The following MSN variants were observed in gnomAD, a reference collection of about 807,000 sequenced individuals.
The protein encoded by MSN is epididymis luminal protein 70.
MSN carries 2 observed loss-of-function variants against 48.0 expected under a neutral mutation model. The ratio of observed to expected loss-of-function variants is 0.04; its 90% CI spans 0.02 to 0.13. The LOEUF is 0.13. Among genes scored for constraint, MSN ranks in the 10% least tolerant of loss-of-function variants. MSN has a pLI of 1.00. For synonymous variants in MSN, 146 were observed against 166.9 expected, an observed-to-expected ratio of 0.87 and a Z score of 0.97; for missense variants, 267 against 470.1, an observed-to-expected ratio of 0.57 and a Z score of 3.99.
rs756684811 is a variant in MSN, at chrX:65,657,355, C to T, written c.-21-59463C>T. Among the ~76,000 whole-genome samples the T allele has an allele frequency of 2.4e-4, 26 of 110,271 alleles. No homozygotes were observed. The South Asian group carries it at 5.5e-3, about 24-fold the overall frequency. ...ACAGGCACCCAGTCACAGATGGATG[C>T]GGATGGTTCACAGACGGGCCATGAG... On this transcript the variant is annotated intron_variant, in intron 1 of 3. Coordinates refer to the MSN transcript ENST00000609672.
At chrX:65,618,269 T>A (rs2070395961) in intron 1 of MSN, among the ~76,000 whole-genome samples, 1 of 111,338 alleles carries the variant, frequency 9.0e-6, no homozygotes, top group South Asian at 3.7e-4. Context: ...CCTTGCTGAC[T>A]TTCTGTCTTG....
intron 1 of MSN, among the ~76,000 whole-genome samples, chrX:65,706,538 A>G (rs781587382): frequency 3.6e-5 from 4 of 112,115 alleles, no homozygotes; most frequent in South Asian, 7.4e-4. Context: ...CCTCTGCCCC[A>G]GTGAGACAAG....
chrX:65,616,320 G>C (rs1162035481), intron 1 of MSN, among the ~76,000 whole-genome samples: 1 of 98,612 alleles, frequency 1.0e-5, no homozygotes, highest in East Asian at 3.2e-4. Flanking sequence ...TCACGATATT[G>C]ATTCTTCCTA....
chrX:65,664,426 T>C (rs1468828447), upstream of MSN, among the ~76,000 whole-genome samples: 1 of 111,918 alleles, frequency 8.9e-6, no homozygotes, highest in Non-Finnish European at 1.9e-5. Context: ...GTACCCCCTG[T>C]ATCTAAAATA....
At chrX:65,733,071 AAAG>A in intron 6 of MSN, 110 bp from the exon 7 acceptor site, 13 of 518,677 alleles carry the variant, frequency 2.5e-5, no homozygotes, top group East Asian at 3.6e-5. Context: ...AAAAAAAAAA[AAAG>A]AGAGAGAGAG....
At chrX:65,670,501 G>T (rs772487326) in intron 1 of MSN, among the ~76,000 whole-genome samples, 29 of 110,703 alleles carry the variant, frequency 2.6e-4, no homozygotes, top group Admixed American at 1.9e-3. Context: ...GAGGCAGGCA[G>T]ATCATGAAGT....
intron 1 of MSN, among the ~76,000 whole-genome samples, chrX:65,622,855 GT>G (rs1203263039): frequency 2.7e-5 from 3 of 111,499 alleles, no homozygotes; most frequent in Non-Finnish European, 5.6e-5. Context: ...AAAGTTTTCA[GT>G]TTTTCATAAT....
intron 1 of MSN, among the ~76,000 whole-genome samples, chrX:65,613,862 G>C (rs1283089219): frequency 8.9e-6 from 1 of 111,932 alleles, no homozygotes; most frequent in Non-Finnish European, 1.9e-5. Flanking sequence ...CTGTGCAGAA[G>C]CTCGTTAGTT....
chrX:65,715,988 G>A (rs1041129821), intron 1 of MSN, among the ~76,000 whole-genome samples: 1 of 111,883 alleles, frequency 8.9e-6, no homozygotes, highest in Non-Finnish European at 1.9e-5. Flanking sequence ...ATTATTTTGA[G>A]GTATGCTCCT....
chrX:65,738,391 TA>T, intron 10 of MSN, 133 bp from the exon 11 acceptor site: 1 of 484,735 alleles, frequency 2.1e-6, no homozygotes. Flanking sequence ...AGTAGTCTGG[TA>T]AAAGAGTCTC....
At chrX:65,711,144 C>A in intron 1 of MSN, among the ~76,000 whole-genome samples, 1 of 111,258 alleles carries the variant, frequency 9.0e-6, no homozygotes, top group Non-Finnish European at 1.9e-5. Context: ...CTGCAACCTC[C>A]GCCTCCCAGG....
At chrX:65,699,538 G>A (rs889076523) in intron 1 of MSN, among the ~76,000 whole-genome samples, 3 of 110,227 alleles carry the variant, frequency 2.7e-5, no homozygotes, top group Non-Finnish European at 5.7e-5. Context: ...TCACGAGGTC[G>A]GGAGATCGAG....
intron 1 of MSN, among the ~76,000 whole-genome samples, chrX:65,692,324 G>T (rs1439782518): frequency 1.8e-5 from 2 of 112,621 alleles, no homozygotes; most frequent in East Asian, 5.6e-4. Context: ...CCTAGTATGA[G>T]AATGGAATGA....
At chrX:65,681,924 T>A (rs942581726) in intron 1 of MSN, among the ~76,000 whole-genome samples, 2 of 111,620 alleles carry the variant, frequency 1.8e-5, no homozygotes, top group Admixed American at 9.5e-5. Context: ...TTTTTTATTT[T>A]TTTTTTAAGT....
chrX:65,699,681 G>A (rs1370163605), intron 1 of MSN, among the ~76,000 whole-genome samples: 8 of 106,108 alleles, frequency 7.5e-5, no homozygotes, highest in Non-Finnish European at 1.6e-4. Flanking sequence ...CCCAGGAGGC[G>A]GAGCTTGCAG....
chrX:65,623,440 G>A (rs2070473586), intron 1 of MSN, among the ~76,000 whole-genome samples: 1 of 102,192 alleles, frequency 9.8e-6, no homozygotes, highest in African/African-American at 3.7e-5. Context: ...CTCAAATAAT[G>A]AGTTATAAAG....
chrX:65,724,180 T>C (rs1287329709), intron 2 of MSN, among the ~76,000 whole-genome samples: 1 of 108,438 alleles, frequency 9.2e-6, no homozygotes, highest in Non-Finnish European at 1.9e-5. Context: ...GTTTCACTCT[T>C]GTTGCCCAGG....
intron 1 of MSN, among the ~76,000 whole-genome samples, chrX:65,604,788 A>C (rs1284381978): frequency 9.0e-6 from 1 of 111,190 alleles, no homozygotes; most frequent in Admixed American, 9.6e-5. Context: ...ATTTATCCTG[A>C]ACCTAACCTC....
intron 1 of MSN, among the ~76,000 whole-genome samples, chrX:65,658,996 C>T (rs2070802715): frequency 9.2e-6 from 1 of 108,708 alleles, no homozygotes; most frequent in South Asian, 4.0e-4. Context: ...AGGCATGTGC[C>T]ACCGTGCCTA....
Sources: allele counts gnomAD v4.1 joint callset (sites outside exome capture counted in the v4.1 genomes callset), GRCh38; gene constraint gnomAD v4.1.1; transcripts MANE v1.5; gene names NCBI Gene and HGNC (gene_info 2026-07-23, HGNC 2026-07-21).